Variants in MRPL19 observed in about 807,000 individuals in gnomAD.
The protein encoded by MRPL19 is large ribosomal subunit protein bL19m.
Under a neutral mutation model 34.0 loss-of-function variants are expected in MRPL19, and 31 were observed. That is an observed-to-expected ratio of 0.91 (90% CI 0.68 to 1.23). The LOEUF is 1.23. Ranked by LOEUF, MRPL19 falls within the 50% of genes most tolerant of loss-of-function variation. MRPL19 has a pLI of 0.00. For synonymous variants in MRPL19, 152 were observed against 127.7 expected, an observed-to-expected ratio of 1.19 and a Z score of -1.28; for missense variants, 384 against 367.6, an observed-to-expected ratio of 1.04 and a Z score of -0.37.
At chr2:75,649,629 G>A (rs1198212323) in intron 2 of MRPL19, among the ~76,000 whole-genome samples, 1 of 152,006 alleles carries the variant, frequency 6.6e-6, no homozygotes, top group Non-Finnish European at 1.5e-5. Context: ...AATTATTGAG[G>A]GATGAAATGC....
rs1205019977 is a variant in MRPL19 at position 75,658,036 on chromosome 2, C to T, written c.*2751C>T. ...AAACTCTGTAACTGTTGAGCAATAA[C>T]CTCATTCCTGTATCTCTCCCAACCC... On this transcript the variant is annotated 3_prime_UTR_variant, in exon 6 of 6. Coordinates refer to ENST00000393909, the MANE Select transcript of MRPL19 (RefSeq NM_014763.4). 1.3e-5 allele frequency among the ~76,000 whole-genome samples: 2 copies of T among 152,098 alleles called. No individual in the cohort carries two copies. Among genetic ancestry groups the T allele is most frequent in the African/African-American group, 4.8e-5 (2 of 41,430 alleles).
intron 4 of MRPL19, among the ~76,000 whole-genome samples, chr2:75,653,027 T>C (rs893247569): frequency 6.6e-6 from 1 of 152,224 alleles, no homozygotes; most frequent in East Asian, 1.9e-4. Flanking sequence ...ATGAATTACT[T>C]GCTCCTAAAA....
chr2:75,652,767 C>G (rs974891533), intron 4 of MRPL19, 110 bp downstream of exon 4: 3 of 1,208,012 alleles, frequency 2.5e-6, no homozygotes, highest in African/African-American at 3.1e-5. Context: ...AAAGGAGACT[C>G]TGAGGGAAGA....
At chr2:75,649,901 G>A (rs1048918743) in intron 2 of MRPL19, among the ~76,000 whole-genome samples, 1 of 152,026 alleles carries the variant, frequency 6.6e-6, no homozygotes, top group Non-Finnish European at 1.5e-5. Flanking sequence ...CCAAGTGTTG[G>A]GATAACAGAC....
At position 75,655,331 on chromosome 2, in the gene MRPL19, A is replaced by G. The variant is rs762339499; in HGVS notation, c.*46A>G. 4 of 1,401,454 alleles carry G rather than the reference A, an allele frequency of 2.9e-6. No homozygotes were observed. The highest frequency in any genetic ancestry group is 4.0e-6 in the Non-Finnish European group (4 of 1,000,922). 86.8% of individuals were successfully genotyped at this position (1,401,454 alleles called of 1,614,324 possible). On this transcript the variant is annotated 3_prime_UTR_variant, in exon 6 of 6. Coordinates refer to ENST00000393909, the MANE Select transcript of MRPL19 (RefSeq NM_014763.4). ...AGTTGCAGAAGATACATTGGCTCTA[A>G]GAGGATATATTTTGAGACCAATTTA...
At chr2:75,648,417 G>A (rs1377771246) in intron 2 of MRPL19, among the ~76,000 whole-genome samples, 1 of 152,052 alleles carries the variant, frequency 6.6e-6, no homozygotes, top group Non-Finnish European at 1.5e-5. Flanking sequence ...TAGGTGAACA[G>A]GCAAATACAT....
chr2:75,648,674 A>G (rs1046443728), intron 2 of MRPL19, among the ~76,000 whole-genome samples: 25 of 151,770 alleles, frequency 1.6e-4, no homozygotes, highest in Non-Finnish European at 1.5e-4. Context: ...CCTGGCCAAC[A>G]TGGCGAAACC....
chr2:75,652,538 TTAC>T lies in MRPL19; in HGVS notation c.360_362del (p.Thr121del), dbSNP rs1406748331. 8.7e-6 allele frequency: 14 copies of T among 1,611,840 alleles called. No individual in the cohort carries two copies. The highest frequency in any genetic ancestry group is 1.2e-5 in the Non-Finnish European group (14 of 1,179,354). ...GAATTTGTAGGAAGTATTCTTCGTG[TTAC>T]TACAGCTGACCCATATGCCAGTGGA... On this transcript the variant is annotated inframe_deletion, in exon 4 of 6. Transcript: ENST00000393909.
At chr2:75,647,468 C>G in intron 2 of MRPL19, 1 of 502,874 alleles carries the variant, frequency 2.0e-6, no homozygotes. Context: ...AAACTCTTTT[C>G]TCTGTGGTAT....
chr2:75,655,444 AG>A lies in MRPL19; in HGVS notation c.*160del. 1 of 605,598 alleles carries A rather than the reference AG, an allele frequency of 1.7e-6. No individual in the cohort carries two copies. 37.5% of individuals were successfully genotyped at this position (605,598 alleles called of 1,614,324 possible). On this transcript the variant is annotated 3_prime_UTR_variant, in exon 6 of 6. Transcript: ENST00000393909. ...TTTTCTAAAATAAAACTTGTACACCAGTTTATTACTCTAAAAAGAGAATTAC... is the reference window on the plus strand; with the variant it reads ...TTTTCTAAAATAAAACTTGTACACCATTTATTACTCTAAAAAGAGAATTAC...
At chr2:75,651,028 C>G (rs1214304134) in intron 2 of MRPL19, among the ~76,000 whole-genome samples, 1 of 152,140 alleles carries the variant, frequency 6.6e-6, no homozygotes, top group Non-Finnish European at 1.5e-5. Context: ...ACAGCATAAA[C>G]AAGCTCTTAC....
chr2:75,660,596 G>A lies in MRPL19; in HGVS notation c.*5311G>A, dbSNP rs1195965654. 6.6e-6 allele frequency: 1 copy of A among 152,136 alleles called. No individual in the cohort carries two copies. Among genetic ancestry groups the A allele is most frequent in the Non-Finnish European group, 1.5e-5 (1 of 68,010 alleles). The allele number at this position is 152,136 out of a possible 1,614,324, so 9.4% of individuals were successfully genotyped here. A position where few individuals can be genotyped will look rare whatever the true frequency, so the allele number is the denominator to read the frequency against. ...TGCAAAGACTGTATTCCTTCTGTGT[G>A]TCATCACTGAAGTCTCTGTTCCTTA... On this transcript the variant is annotated 3_prime_UTR_variant, in exon 6 of 6. Coordinates refer to ENST00000393909, the MANE Select transcript of MRPL19 (RefSeq NM_014763.4).
intron 2 of MRPL19, among the ~76,000 whole-genome samples, chr2:75,648,641 C>T (rs957461157): frequency 4.6e-5 from 7 of 151,224 alleles, no homozygotes; most frequent in African/African-American, 9.7e-5. Context: ...GGGCAGATCA[C>T]GAAGTCAGGA....
chr2:75,657,333 T>C lies in MRPL19; in HGVS notation c.*2048T>C, dbSNP rs137865984. 3 of 152,016 alleles carry C rather than the reference T, an allele frequency of 2.0e-5. No homozygotes were observed. The highest frequency in any genetic ancestry group is 7.2e-5 in the African/African-American group (3 of 41,414). The allele number at this position is 152,016 out of a possible 1,614,324, so 9.4% of individuals were successfully genotyped here. ...CATGAATATTTTGGTTTTGTCAGAT[T>C]CCCTAGAATAGAGGCTTCCAATCTC... On this transcript the variant is annotated 3_prime_UTR_variant, in exon 6 of 6. Transcript: ENST00000393909.
In MRPL19 at chr2:75,655,318, T is replaced by C. The variant is rs902966973; in HGVS notation, c.*33T>C. 6.7e-7 allele frequency: 1 copy of C among 1,502,368 alleles called. No homozygotes were observed. The highest frequency in any genetic ancestry group is 1.4e-5 in the African/African-American group (1 of 72,712). 93.1% of individuals were successfully genotyped at this position (1,502,368 alleles called of 1,614,324 possible). The stretch of plus-strand genomic sequence containing the variant: ...AATGAATTTGGTTAGTTGCAGAAGA[T>C]ACATTGGCTCTAAGAGGATATATTT... On this transcript the variant is annotated 3_prime_UTR_variant, in exon 6 of 6. Coordinates refer to ENST00000393909, the MANE Select transcript of MRPL19 (RefSeq NM_014763.4).
rs143242619 is a variant in MRPL19, at chr2:75,651,893, A to G, written c.222-249A>G. ...AAAAAGGAGATGACACCAAACCCACATGGTTGCTAGAAGGATTAATTTATG... is the reference window on the plus strand; with the variant it reads ...AAAAAGGAGATGACACCAAACCCACGTGGTTGCTAGAAGGATTAATTTATG... On this transcript the variant is annotated intron_variant, in intron 2 of 5. Transcript: ENST00000393909. The G allele has an allele frequency of 5.4e-4, 148 of 272,942 alleles. 1 individual carries two copies. The highest frequency in any genetic ancestry group is 3.1e-3 in the African/African-American group (137 of 44,820). The allele number at this position is 272,942 out of a possible 1,614,324, so 16.9% of individuals were successfully genotyped here. A position where few individuals can be genotyped will look rare whatever the true frequency, so the allele number is the denominator to read the frequency against.
chr2:75,655,100 C>A lies in MRPL19; in HGVS notation c.694C>A (p.Arg232Ser). The change falls in exon 6 of 6, where the codon CGC becomes AGC. Residue 232 changes from arginine to serine, a missense_variant. Transcript: ENST00000393909. ...VKMKPKPWSK[R>S]WERPNFNIKG... ...AATGAAGCCTAAGCCCTGGTCTAAA[C>A]GCTGGGAACGTCCAAATTTTAATAT... is the stretch of plus-strand genomic sequence containing the variant. 6.2e-7 allele frequency: 1 copy of A among 1,602,906 alleles called. No homozygotes were observed. The highest frequency in any genetic ancestry group is 8.5e-7 in the Non-Finnish European group (1 of 1,176,764).
At chr2:75,650,153 A>AG (rs1662460788) in intron 2 of MRPL19, among the ~76,000 whole-genome samples, 2 of 152,136 alleles carry the variant, frequency 1.3e-5, no homozygotes, top group African/African-American at 2.4e-5. Context: ...CTAAATACAC[A>AG]GGGGCTTCCA....
chr2:75,649,443 G>A (rs1678285108), intron 2 of MRPL19, among the ~76,000 whole-genome samples: 2 of 151,814 alleles, frequency 1.3e-5, no homozygotes, highest in Admixed American at 1.3e-4. Context: ...ACCAGCTATT[G>A]TTGGTGTCTT....
Sources: allele counts gnomAD v4.1 joint callset (sites outside exome capture counted in the v4.1 genomes callset), GRCh38; gene constraint gnomAD v4.1.1; transcripts MANE v1.5; gene names NCBI Gene and HGNC (gene_info 2026-07-23, HGNC 2026-07-21).